Variants in RAPGEF2 observed in about 807,000 individuals in gnomAD.
The protein encoded by RAPGEF2 is Rap guanine nucleotide exchange factor 2.
A neutral mutation model predicts 186.7 loss-of-function variants in RAPGEF2; 54 were observed. The observed-to-expected ratio is 0.29, with a 90% CI of 0.23 to 0.36. RAPGEF2 has a LOEUF of 0.36. RAPGEF2 is among the 10% of genes least tolerant of loss of function. The pLI, the probability that RAPGEF2 is intolerant of heterozygous loss-of-function variation, is 1.00. For missense variants in RAPGEF2, 1,532 were observed against 2,045.0 expected (o/e 0.75, Z 4.84); for synonymous variants, 712 against 705.9 (o/e 1.01, Z -0.14).
intron 1 of RAPGEF2, among the ~76,000 whole-genome samples, chr4:159,164,457 A>G (rs1203045046): frequency 6.6e-6 from 1 of 152,152 alleles, no homozygotes; most frequent in East Asian, 1.9e-4. Flanking sequence ...GCAGATAATA[A>G]TAACCTGGCT....
chr4:159,152,755 G>A (rs1046866657), intron 1 of RAPGEF2, among the ~76,000 whole-genome samples: 1 of 152,008 alleles, frequency 6.6e-6, no homozygotes. Context: ...GTAGCTGGGA[G>A]TACAGGTGCC....
In RAPGEF2 at chr4:159,353,038, T is replaced by C. The variant is rs1037862972; in HGVS notation, c.4091+128T>C. The stretch of plus-strand genomic sequence containing the variant: ...CCTAAGAATTTTTCTGCCATCCCAG[T>C]TCTGATTTTCACAATTTCTACACTA... On this transcript the variant is annotated intron_variant, in intron 27 of 29. Coordinates refer to ENST00000691494, the MANE Select transcript of RAPGEF2 (RefSeq NM_001394067.2). The surrounding 1 kb of genome is among the most constrained non-coding windows in gnomAD (Gnocchi z 4.3). 2.3e-6 allele frequency: 2 copies of C among 886,696 alleles called. No individual in the cohort carries two copies. The highest frequency in any genetic ancestry group is 3.4e-6 in the Non-Finnish European group (2 of 589,906). 54.9% of individuals were successfully genotyped at this position (886,696 alleles called of 1,614,324 possible).
intron 4 of RAPGEF2, among the ~76,000 whole-genome samples, chr4:159,217,898 A>G (rs1175605143): frequency 1.3e-5 from 2 of 152,154 alleles, no homozygotes; most frequent in Non-Finnish European, 1.5e-5. Flanking sequence ...TGCATTTCTC[A>G]TAATTATTGA....
intron 3 of RAPGEF2, among the ~76,000 whole-genome samples, chr4:159,202,634 T>G (rs1749559999): frequency 6.6e-6 from 1 of 152,126 alleles, no homozygotes; most frequent in African/African-American, 2.4e-5. Flanking sequence ...GGAGTTTTGC[T>G]CTTGTTGCCC....
intron 11 of RAPGEF2, among the ~76,000 whole-genome samples, chr4:159,325,274 A>G (rs1765768518): frequency 6.6e-6 from 1 of 152,184 alleles, no homozygotes; most frequent in Admixed American, 6.5e-5. Flanking sequence ...ATTTTGTATA[A>G]TAGAGGAAAA....
At chr4:159,224,733 A>G (rs1249315415) in intron 4 of RAPGEF2, among the ~76,000 whole-genome samples, 1 of 152,202 alleles carries the variant, frequency 6.6e-6, no homozygotes, top group Non-Finnish European at 1.5e-5. Flanking sequence ...AGAAGAAGAG[A>G]ATCCCTGGAA....
intron 7 of RAPGEF2, among the ~76,000 whole-genome samples, chr4:159,244,291 G>A (rs1227139510): frequency 6.6e-6 from 1 of 151,496 alleles, no homozygotes; most frequent in Non-Finnish European, 1.5e-5. Context: ...TTAAAAGGTT[G>A]GTCAAAAAGG....
At chr4:159,122,519 C>T (rs1739814934) in intron 1 of RAPGEF2, among the ~76,000 whole-genome samples, 1 of 152,082 alleles carries the variant, frequency 6.6e-6, no homozygotes, top group African/African-American at 2.4e-5. Flanking sequence ...CTTATGGACC[C>T]TTACAGATTG....
At chr4:159,110,971 T>G (rs910285198) in intron 1 of RAPGEF2, among the ~76,000 whole-genome samples, 44 of 151,938 alleles carry the variant, frequency 2.9e-4, no homozygotes, top group African/African-American at 1.0e-3. Context: ...GGAAGAAAAA[T>G]AAGTTTATTG....
intron 8 of RAPGEF2, among the ~76,000 whole-genome samples, chr4:159,313,007 G>T (rs1764126081): frequency 6.6e-6 from 1 of 152,056 alleles, no homozygotes; most frequent in Non-Finnish European, 1.5e-5. Context: ...AATTAGCTGG[G>T]TGTGGTGGTG....
intron 1 of RAPGEF2, among the ~76,000 whole-genome samples, chr4:159,130,627 G>C (rs1740931126): frequency 6.6e-6 from 1 of 152,218 alleles, no homozygotes; most frequent in Admixed American, 6.5e-5. Context: ...AGAGTTAGTA[G>C]AGTAGGACTG....
chr4:159,339,092 G>A (rs1196197261), intron 18 of RAPGEF2, 22 bp from the exon 19 acceptor site: 3 of 1,607,592 alleles, frequency 1.9e-6, no homozygotes, highest in Non-Finnish European at 2.6e-6. Context: ...CTACTTATGT[G>A]TGTGATTTTT....
chr4:159,104,515 A>AGAGAGAGAGAGAGAGAGAGAGAGAGG lies in RAPGEF2; in HGVS notation c.69+295_69+296insAGAGAGAGAGAGAGGGAGAGAGAGAG, dbSNP rs1560964586. On this transcript the variant is annotated intron_variant, in intron 1 of 29. Transcript: ENST00000691494. Reference sequence around the variant, plus strand: ...GAGAGAGAGAGAGAGAGAGAGAGAGAGAGAGAGAGAGGGAGAGACAGAGAG... The same window carrying AGAGAGAGAGAGAGAGAGAGAGAGAGG: ...GAGAGAGAGAGAGAGAGAGAGAGAGAGAGAGAGAGAGAGAGAGAGAGAGAGGGAGAGAGAGAGGGAGAGACAGAGAG... Among the ~76,000 whole-genome samples the AGAGAGAGAGAGAGAGAGAGAGAGAGG allele has an allele frequency of 7.8e-4, 102 of 130,366 alleles. 2 individuals are homozygous for AGAGAGAGAGAGAGAGAGAGAGAGAGG. Among genetic ancestry groups the AGAGAGAGAGAGAGAGAGAGAGAGAGG allele is most frequent in the African/African-American group, 3.3e-3 (100 of 29,898 alleles). 85.5% of individuals were successfully genotyped at this position (130,366 alleles called of 152,430 possible).
intron 1 of RAPGEF2, among the ~76,000 whole-genome samples, chr4:159,126,533 A>ATTT (rs1740320322): frequency 3.4e-5 from 5 of 147,090 alleles, no homozygotes; most frequent in African/African-American, 1.2e-4. Flanking sequence ...CCAGGTTTTA[A>ATTT]AAAAAAAAAA....
At chr4:159,320,158 A>G (rs1362062864) in intron 9 of RAPGEF2, among the ~76,000 whole-genome samples, 1 of 152,176 alleles carries the variant, frequency 6.6e-6, no homozygotes, top group Non-Finnish European at 1.5e-5. Context: ...GATGATGGCT[A>G]AAGAAAACAG....
chr4:159,194,931 C>G (rs182875514), intron 3 of RAPGEF2, among the ~76,000 whole-genome samples: 1 of 152,090 alleles, frequency 6.6e-6, no homozygotes, highest in Admixed American at 6.5e-5. Context: ...AGTAAGGAGA[C>G]AGTTACAGCC....
At chr4:159,352,663 T>C (rs1291443517) in intron 26 of RAPGEF2, 22 bp from the exon 27 acceptor site, 1 of 1,567,596 alleles carries the variant, frequency 6.4e-7, no homozygotes, top group South Asian at 1.1e-5. Context: ...GTCTAATTAA[T>C]ACGGTTGTAT....
intron 1 of RAPGEF2, among the ~76,000 whole-genome samples, chr4:159,128,549 A>G (rs1277232976): frequency 6.6e-6 from 1 of 152,004 alleles, no homozygotes; most frequent in East Asian, 1.9e-4. Context: ...TTTGGCTAGT[A>G]GTTTATTCAC....
At chr4:159,155,583 C>T (rs150564780) in intron 1 of RAPGEF2, among the ~76,000 whole-genome samples, 44 of 152,210 alleles carry the variant, frequency 2.9e-4, no homozygotes, top group South Asian at 4.1e-4. Flanking sequence ...TTGTTCCACA[C>T]CTGAATTGAC....
Sources: allele counts gnomAD v4.1 joint callset (sites outside exome capture counted in the v4.1 genomes callset), GRCh38; gene constraint gnomAD v4.1.1; non-coding constraint Gnocchi (gnomAD v3.1); transcripts MANE v1.5; gene names NCBI Gene and HGNC (gene_info 2026-07-23, HGNC 2026-07-21).